The following DCST2 variants were observed in gnomAD, a reference collection of about 807,000 sequenced individuals.
The protein encoded by DCST2 is DC-STAMP domain-containing protein 2.
Under a neutral mutation model 81.8 loss-of-function variants are expected in DCST2, and 64 were observed. The ratio of observed to expected loss-of-function variants is 0.78; its 90% confidence interval spans 0.64 to 0.96. The LOEUF (loss-of-function observed/expected upper bound fraction) is 0.96, where lower values mean the gene tolerates loss of function less well. Ranked by LOEUF, DCST2 falls within the 40% of genes least tolerant of loss-of-function variation. The probability of loss-of-function intolerance (pLI) is 0.00; values close to 1 mark genes in which losing one functional copy is unlikely to be tolerated. For synonymous variants in DCST2, 354 were observed against 402.6 expected, an observed-to-expected ratio of 0.88 and a Z score of 1.44; for missense variants, 945 against 1,001.4, an observed-to-expected ratio of 0.94 and a Z score of 0.76.
At position 155,031,608 on chromosome 1, in the gene DCST2, C is replaced by T; in HGVS notation, c.705G>A (p.Met235Ile). The change falls in exon 4 of 15, where the codon ATG (methionine) becomes ATA (isoleucine). Residue 235 changes from methionine to isoleucine, a missense_variant. Coordinates refer to ENST00000368424, the MANE Select transcript of DCST2 (RefSeq NM_144622.3). ...GTCCACAGAGCGCCAGTTTGAAGGGCATGAGCACGTAACACAGGTGGTAGG... is the reference window on the plus strand; with the variant it reads ...GTCCACAGAGCGCCAGTTTGAAGGGTATGAGCACGTAACACAGGTGGTAGG... Reference protein sequence around the residue: ...PQAYHLCYVLMPFKLALCGLA... With the variant: ...PQAYHLCYVLIPFKLALCGLA... 1.4e-6 allele frequency: 2 copies of T among 1,455,332 alleles called. No homozygotes were observed. Among genetic ancestry groups the T allele is most frequent in the Non-Finnish European group, 1.8e-6 (2 of 1,082,962 alleles). The allele number at this position is 1,455,332 out of a possible 1,614,324, so 90.2% of individuals were successfully genotyped here.
rs1189298669 is a variant in DCST2, at chr1:155,030,157, A to C, written c.1104T>G (p.Ala368=). ...YITSRFLRME[A]VRSTAGLPTV... Reference sequence around the variant, plus strand: ...TGGGCAGCCCTGCCGTGGAGCGCACAGCCTCCATGCGCAGGAATCGGCTAG... The same window carrying C: ...TGGGCAGCCCTGCCGTGGAGCGCACCGCCTCCATGCGCAGGAATCGGCTAG... The change falls in exon 7 of 15, where the codon GCT becomes GCG. Residue 368 remains alanine, a synonymous_variant. Coordinates refer to ENST00000368424, the MANE Select transcript of DCST2 (RefSeq NM_144622.3). The C allele has an allele frequency of 6.2e-7, 1 of 1,614,206 alleles. No individual in the cohort carries two copies. The highest frequency in any genetic ancestry group is 8.5e-7 in the Non-Finnish European group (1 of 1,180,024).
chr1:155,029,353 C>T lies in DCST2; in HGVS notation c.1222G>A (p.Glu408Lys), dbSNP rs148897324. ...AGGTGTCGGATAAGGTTGAAGGTCT[C>T]CAGAATGTAAAAAAACTTCTCCCAT... ...SQWEKFFYIL[E>K]TFNLIRHLLL... Residue 408 changes from glutamate (E) to lysine (K), a missense_variant, in exon 8 of 15, where the codon GAG (glutamate) becomes AAG (lysine). By Grantham distance (56) the Glu-to-Lys change is moderately conservative. Transcript: ENST00000368424. The T allele has an allele frequency of 5.2e-4, 837 of 1,613,984 alleles. 1 individual carries two copies. Among genetic ancestry groups the T allele is most frequent in the Non-Finnish European group, 6.2e-4 (727 of 1,179,976 alleles).
chr1:155,030,981 G>C (rs945634878), intron 5 of DCST2, 188 bp downstream of exon 5: 1 of 666,906 alleles, frequency 1.5e-6, no homozygotes, highest in Non-Finnish European at 2.5e-6. Flanking sequence ...TGAGGCACTG[G>C]CCCTTCGCTG....
chr1:155,031,933 A>C (rs578133105), intron 3 of DCST2, among the ~76,000 whole-genome samples, 162 bp from the exon 4 acceptor site: 1 of 152,300 alleles, frequency 6.6e-6, no homozygotes, highest in South Asian at 2.1e-4. Context: ...GAAGGGGCCC[A>C]AAAAACCCTG....
Position 155,023,192 on chromosome 1 carries a change from T to C in DCST2, c.2030A>G (p.Gln677Arg). 1 of 1,614,188 alleles carries C rather than the reference T, an allele frequency of 6.2e-7. No homozygotes were observed. The highest frequency in any genetic ancestry group is 8.5e-7 in the Non-Finnish European group (1 of 1,180,042). Residue 677 changes from glutamine to arginine, a missense_variant, in exon 14 of 15, where the codon CAG (glutamine) becomes CGG (arginine). By Grantham distance (43) the Gln-to-Arg change is conservative. Coordinates refer to ENST00000368424, the MANE Select transcript of DCST2 (RefSeq NM_144622.3). ...GAGCTGTTGCTGCAATAACCATGCC[T>C]GCTCAGGGTCCTTCCTTTGAGCTGC... The part of the protein sequence containing the change: ...LAAAQRKDPE[Q>R]AWLLQQQLQE...
chr1:155,032,977 G>C, intron 2 of DCST2, 117 bp downstream of exon 2: 2 of 1,233,234 alleles, frequency 1.6e-6, no homozygotes, highest in Non-Finnish European at 2.2e-6. Flanking sequence ...TCCCTTCCAG[G>C]CCCAGATGCT....
intron 10 of DCST2, among the ~76,000 whole-genome samples, chr1:155,025,374 G>A (rs143026343): frequency 0.012 from 1,767 of 152,106 alleles, 23 homozygotes; most frequent in African/African-American, 0.04. Context: ...CTATCGCCAG[G>A]CTGGAGTGCA....
At chr1:155,031,065 TCTC>T in intron 5 of DCST2, 101 bp downstream of exon 5, 1 of 1,241,282 alleles carries the variant, frequency 8.1e-7, no homozygotes, top group Non-Finnish European at 1.1e-6. Flanking sequence ...TCTCTTACAT[TCTC>T]CTTTATGGGC....
chr1:155,031,291 G>A (rs1391786583), intron 4 of DCST2, 57 bp from the exon 5 acceptor site: 18 of 1,475,406 alleles, frequency 1.2e-5, no homozygotes, highest in Middle Eastern at 1.8e-4. Flanking sequence ...GCCTGCCCCC[G>A]ACCTCTGGAG....
chr1:155,023,410 C>G lies in DCST2; in HGVS notation c.1918G>C (p.Val640Leu), dbSNP rs375988286. 1 of 1,607,080 alleles carries G rather than the reference C, an allele frequency of 6.2e-7. No homozygotes were observed. The highest frequency in any genetic ancestry group is 1.1e-5 in the South Asian group (1 of 89,916). The change falls in exon 13 of 15, where the codon GTG (valine) becomes CTG (leucine). Residue 640 changes from valine to leucine, a missense_variant. By Grantham distance (32) the Val-to-Leu change is conservative (BLOSUM62 1). Transcript: ENST00000368424. ...CFRLLDNTCS[V>L]CASPLSYQGD... ...TGGTAGGAGAGGGGAGATGCACACACGGAGCAGGTATTGTCCAGGAGGCGG... is the reference window on the plus strand; with the variant it reads ...TGGTAGGAGAGGGGAGATGCACACAGGGAGCAGGTATTGTCCAGGAGGCGG...
rs756322401 is a variant in DCST2 at position 155,030,104 on chromosome 1, G to A, written c.1157C>T (p.Ala386Val). The change falls in exon 7 of 15, where the codon GCC becomes GTC. Residue 386 changes from alanine (A) to valine (V), a missense_variant. Physicochemically the swap from Ala to Val is moderately conservative, Grantham distance 64. Transcript: ENST00000368424. ...PTVLPLSAHE[A>V]RRYIPPGSIF... ...CTCACCCGGTGGGATGTAGCGCCTG[G>A]CCTCGTGAGCACTGAGCGGTAGCAC... 14 of 1,613,804 alleles carry A rather than the reference G, an allele frequency of 8.7e-6. No individual in the cohort carries two copies. The highest frequency in any genetic ancestry group is 1.1e-5 in the Non-Finnish European group (13 of 1,179,988).
chr1:155,026,641 A>G lies in DCST2; in HGVS notation c.1417T>C (p.Phe473Leu). 1 of 1,614,234 alleles carries G rather than the reference A, an allele frequency of 6.2e-7. No homozygotes were observed. Among genetic ancestry groups the G allele is most frequent in the Admixed American group, 1.7e-5 (1 of 60,032 alleles). The change falls in exon 9 of 15, where the codon TTT (phenylalanine) becomes CTT (leucine). Residue 473 changes from phenylalanine to leucine, a missense_variant. Transcript: ENST00000368424. ...ATGTTGCCTTGCTGCAGGACATCAA[A>G]TGCTGACACCAGGTCACGATAAATA... The part of the protein sequence containing the change: ...GNIYRDLVSA[F>L]DVLQQGNISI...
At position 155,030,109 on chromosome 1, in the gene DCST2, G is replaced by C. The variant is rs201803286; in HGVS notation, c.1152C>G (p.His384Gln). ...CCGGTGGGATGTAGCGCCTGGCCTCGTGAGCACTGAGCGGTAGCACTGTGG... is the reference window on the plus strand; with the variant it reads ...CCGGTGGGATGTAGCGCCTGGCCTCCTGAGCACTGAGCGGTAGCACTGTGG... ...GLPTVLPLSA[H>Q]EARRYIPPGS... Residue 384 changes from histidine (H) to glutamine (Q), a missense_variant, in exon 7 of 15, where the codon CAC becomes CAG. Transcript: ENST00000368424. 7 of 1,613,922 alleles carry C rather than the reference G, an allele frequency of 4.3e-6. No homozygotes were observed. Among genetic ancestry groups the C allele is most frequent in the Admixed American group, 1.7e-5 (1 of 60,024 alleles).
At chr1:155,025,134 C>G (rs1228255070) in intron 10 of DCST2, among the ~76,000 whole-genome samples, 3 of 113,274 alleles carry the variant, frequency 2.6e-5, no homozygotes, top group African/African-American at 9.9e-5. Context: ...GCAACAAGAG[C>G]AAAATTCTGT....
intron 14 of DCST2, among the ~76,000 whole-genome samples, chr1:155,020,854 G>T (rs1302414606): frequency 6.6e-6 from 1 of 150,566 alleles, no homozygotes; most frequent in Non-Finnish European, 1.5e-5. Context: ...ACTGGGTCTT[G>T]TACTATTGCC....
intron 3 of DCST2, among the ~76,000 whole-genome samples, chr1:155,032,282 G>A (rs747072593): frequency 2.6e-5 from 4 of 151,270 alleles, no homozygotes; most frequent in African/African-American, 4.9e-5. Context: ...GTGAGCCACC[G>A]CACCTGGCCC....
intron 8 of DCST2, among the ~76,000 whole-genome samples, chr1:155,027,194 G>A (rs376924400): frequency 2.8e-5 from 4 of 142,070 alleles, no homozygotes; most frequent in Admixed American, 7.5e-5. Context: ...CACCACGACC[G>A]GCTATTTTTT....
At chr1:155,021,616 G>GC (rs909862912) in intron 14 of DCST2, among the ~76,000 whole-genome samples, 7 of 151,490 alleles carry the variant, frequency 4.6e-5, no homozygotes, top group Admixed American at 6.6e-5. Flanking sequence ...TTTTCTAACT[G>GC]CCCCCCTGGG....
At position 155,033,644 on chromosome 1, in the gene DCST2, C is replaced by T. The variant is rs375433169; in HGVS notation, c.58G>A (p.Ala20Thr). 2 of 1,614,092 alleles carry T rather than the reference C, an allele frequency of 1.2e-6. No homozygotes were observed. Among genetic ancestry groups the T allele is most frequent in the African/African-American group, 2.7e-5 (2 of 74,944 alleles). The stretch of plus-strand genomic sequence containing the variant: ...CCCACGCTGCGAACCACAGCTCTCG[C>T]CATGCTAGGCTCCTCTCCCCCCAAG... The part of the protein sequence containing the change: ...HPLGGEEPSM[A>T]RAVVRSVGGF... The change falls in exon 1 of 15, where the codon GCG becomes ACG. Residue 20 changes from alanine (A) to threonine (T), a missense_variant. Coordinates refer to ENST00000368424, the MANE Select transcript of DCST2 (RefSeq NM_144622.3).
Sources: allele counts gnomAD v4.1 joint callset (sites outside exome capture counted in the v4.1 genomes callset), GRCh38; gene constraint gnomAD v4.1.1; transcripts MANE v1.5; gene names NCBI Gene and HGNC (gene_info 2026-07-23, HGNC 2026-07-21).